The following CEP85L variants were observed in gnomAD, a reference collection of about 807,000 sequenced individuals.
The protein encoded by CEP85L is centrosomal protein 85L.
CEP85L carries 60 observed loss-of-function variants against 100.3 expected under a neutral mutation model. The ratio of observed to expected loss-of-function variants is 0.60; its 90% CI spans 0.49 to 0.74. CEP85L has a LOEUF of 0.74. Ranked by LOEUF, CEP85L falls within the 30% of genes least tolerant of loss-of-function variation. CEP85L has a pLI of 0.00. For synonymous variants in CEP85L, 319 were observed against 322.7 expected (o/e 0.99, Z 0.12); for missense variants, 973 against 936.2 (o/e 1.04, Z -0.51).
chr6:118,548,796 G>A (rs1208891371), intron 3 of CEP85L, among the ~76,000 whole-genome samples: 1 of 152,034 alleles, frequency 6.6e-6, no homozygotes, highest in African/African-American at 2.4e-5. Flanking sequence ...CTGAGAAACA[G>A]TGCAGAACTG....
In CEP85L at chr6:118,465,151, G is replaced by A; in HGVS notation, c.*254C>T. On this transcript the variant is annotated 3_prime_UTR_variant, in exon 13 of 13. Transcript: ENST00000368491. ...TCACAGCTTGGTCCTACAATCAGTAGTTTGAGAATATAGACATTTTTTTCC... is the reference window on the plus strand; with the variant it reads ...TCACAGCTTGGTCCTACAATCAGTAATTTGAGAATATAGACATTTTTTTCC... 2.5e-6 allele frequency: 1 copy of A among 396,288 alleles called. No individual in the cohort carries two copies. Among genetic ancestry groups the A allele is most frequent in the Non-Finnish European group, 4.6e-6 (1 of 219,084 alleles). The allele number at this position is 396,288 out of a possible 1,614,324, so 24.5% of individuals were successfully genotyped here. A position where few individuals can be genotyped will look rare whatever the true frequency, so the allele number is the denominator to read the frequency against.
At chr6:118,589,201 G>A (rs991943463) in intron 2 of CEP85L, 8 of 237,826 alleles carry the variant, frequency 3.4e-5, no homozygotes, top group Non-Finnish European at 5.6e-5. Flanking sequence ...AAAACTCAGA[G>A]AAAATCACCT....
intron 5 of CEP85L, among the ~76,000 whole-genome samples, chr6:118,498,644 G>A (rs958147169): frequency 6.5e-5 from 9 of 138,476 alleles, no homozygotes; most frequent in African/African-American, 2.3e-4. Context: ...AAAAAGGGAG[G>A]AAAGGGAGGA....
intron 1 of CEP85L, among the ~76,000 whole-genome samples, chr6:118,639,012 G>A (rs1774694293): frequency 6.6e-6 from 1 of 152,046 alleles, no homozygotes; most frequent in South Asian, 2.1e-4. Context: ...TGACAAAGCA[G>A]ATTTATACTT....
At chr6:118,586,290 G>T (rs1421860919) in intron 2 of CEP85L, among the ~76,000 whole-genome samples, 1 of 152,144 alleles carries the variant, frequency 6.6e-6, no homozygotes, top group Non-Finnish European at 1.5e-5. Context: ...ATGCTGTATG[G>T]ACACACTTTC....
intron 6 of CEP85L, among the ~76,000 whole-genome samples, chr6:118,489,512 G>A (rs898824493): frequency 6.6e-6 from 1 of 152,142 alleles, no homozygotes; most frequent in Admixed American, 6.5e-5. Flanking sequence ...CTCAATTCCT[G>A]CATAGAAGAC....
At chr6:118,503,554 G>A (rs1775443797) in intron 5 of CEP85L, among the ~76,000 whole-genome samples, 2 of 152,104 alleles carry the variant, frequency 1.3e-5, no homozygotes. Context: ...TAAGGCTACA[G>A]TAATCAAAAC....
chr6:118,499,210 A>G (rs555270621), intron 5 of CEP85L, among the ~76,000 whole-genome samples: 7 of 152,226 alleles, frequency 4.6e-5, no homozygotes, highest in Non-Finnish European at 1.0e-4. Flanking sequence ...AAAGTAGAGA[A>G]TATCAACTAG....
chr6:118,600,795 C>CT (rs200008417), intron 2 of CEP85L, among the ~76,000 whole-genome samples: 18 of 111,104 alleles, frequency 1.6e-4, no homozygotes, highest in East Asian at 6.7e-4. Flanking sequence ...AGAGGGTTGT[C>CT]TTTTTTAAAA....
At chr6:118,699,473 C>T (rs1688630) in intron 1 of CEP85L, among the ~76,000 whole-genome samples, 8,045 of 150,574 alleles carry the variant, frequency 0.053, 425 homozygotes, top group African/African-American at 0.14. Context: ...AAAAAAGACC[C>T]TACCAGAACG....
intron 5 of CEP85L, 72 bp downstream of exon 5, chr6:118,511,226 T>C: frequency 1.1e-6 from 1 of 886,948 alleles, no homozygotes. Flanking sequence ...AATGTCCTTA[T>C]ATTACAAGGT....
At chr6:118,662,397 G>A (rs1776001799) in intron 1 of CEP85L, among the ~76,000 whole-genome samples, 1 of 152,038 alleles carries the variant, frequency 6.6e-6, no homozygotes, top group South Asian at 2.1e-4. Context: ...GGGTGTGGAG[G>A]CGCATGGCTG....
chr6:118,522,695 C>T (rs1389448354), intron 4 of CEP85L, among the ~76,000 whole-genome samples: 2 of 152,036 alleles, frequency 1.3e-5, no homozygotes, highest in African/African-American at 2.4e-5. Context: ...CTGGCCAACA[C>T]GGCAAAACCC....
chr6:118,687,717 C>T lies in CEP85L; in HGVS notation c.-28+22319G>A, dbSNP rs568148733. On this transcript the variant is annotated intron_variant, in intron 1 of 13. Transcript: ENST00000368488. The stretch of plus-strand genomic sequence containing the variant: ...ATCTTGCAACTGCACTCTTCTGGTC[C>T]GTGTTTGTTACAGCTCGAGCTGAGC... Among the ~76,000 whole-genome samples the T allele has an allele frequency of 5.3e-5, 8 of 152,234 alleles. No homozygotes were observed. In the East Asian group the frequency reaches 9.7e-4, roughly 18 times the overall value.
chr6:118,503,875 G>A lies in CEP85L; in HGVS notation c.1257+7423C>T, dbSNP rs187106564. On this transcript the variant is annotated intron_variant, in intron 5 of 12. Coordinates refer to ENST00000368491, the MANE Select transcript of CEP85L (RefSeq NM_001042475.3). ...AGAAAATCTAGATGAACTTGGCTATGGCAATGACTTTTTAGATATAACATC... is the reference window on the plus strand; with the variant it reads ...AGAAAATCTAGATGAACTTGGCTATAGCAATGACTTTTTAGATATAACATC... Among the ~76,000 whole-genome samples, 190 of 146,636 alleles carry A rather than the reference G, an allele frequency of 1.3e-3. 4 individuals are homozygous for A. The highest frequency in any genetic ancestry group is 4.0e-4 in the Non-Finnish European group (27 of 67,300).
At chr6:118,491,505 A>G in intron 6 of CEP85L, 181 bp downstream of exon 6, 1 of 1,364,354 alleles carries the variant, frequency 7.3e-7, no homozygotes, top group African/African-American at 1.5e-5. Flanking sequence ...TCTATCCTCA[A>G]AGAAAATCCT....
chr6:118,616,771 G>A (rs1338815159), intron 2 of CEP85L, among the ~76,000 whole-genome samples: 2 of 151,192 alleles, frequency 1.3e-5, no homozygotes, highest in Non-Finnish European at 1.5e-5. Context: ...ATGGTGAAAC[G>A]CTGTCTCTAG....
chr6:118,553,909 A>C (rs898384213), intron 3 of CEP85L, among the ~76,000 whole-genome samples: 1 of 152,228 alleles, frequency 6.6e-6, no homozygotes, highest in African/African-American at 2.4e-5. Context: ...CTGTGATAGA[A>C]AGAGACTTGA....
intron 10 of CEP85L, among the ~76,000 whole-genome samples, chr6:118,470,962 GTTC>G (rs1430834030): frequency 7.9e-5 from 12 of 152,172 alleles, no homozygotes; most frequent in East Asian, 7.7e-4. Flanking sequence ...ATTACAAACA[GTTC>G]TTATTTCATT....
Sources: allele counts gnomAD v4.1 joint callset (sites outside exome capture counted in the v4.1 genomes callset), GRCh38; gene constraint gnomAD v4.1.1; transcripts MANE v1.5; gene names NCBI Gene and HGNC (gene_info 2026-07-23, HGNC 2026-07-21).